The following ENOX1 variants were observed in gnomAD, a reference collection of about 807,000 sequenced individuals.
ENOX1 encodes ecto-NOX disulfide-thiol exchanger 1.
A neutral mutation model predicts 82.5 loss-of-function variants in ENOX1; 42 were observed. That is an observed-to-expected ratio of 0.51 (90% confidence interval 0.40 to 0.66). The LOEUF is 0.66. ENOX1 is among the 30% of genes least tolerant of loss of function. The pLI is 0.00. For missense variants in ENOX1, 608 were observed against 811.6 expected, an observed-to-expected ratio of 0.75 and a Z score of 3.05; for synonymous variants, 271 against 282.2, an observed-to-expected ratio of 0.96 and a Z score of 0.40.
At chr13:43,433,589 TAAGAA>T (rs1455529179) in intron 3 of ENOX1, among the ~76,000 whole-genome samples, 1 of 152,210 alleles carries the variant, frequency 6.6e-6, no homozygotes, top group East Asian at 1.9e-4. Flanking sequence ...TCTTTAAATA[TAAGAA>T]AATAATAAAT....
At chr13:43,448,270 T>A (rs1273403840) in intron 3 of ENOX1, among the ~76,000 whole-genome samples, 2 of 152,178 alleles carry the variant, frequency 1.3e-5, no homozygotes, top group Non-Finnish European at 2.9e-5. Flanking sequence ...AAAGACAGAT[T>A]TAAAATAAAA....
At chr13:43,323,207 G>A (rs2047914562) in intron 10 of ENOX1, among the ~76,000 whole-genome samples, 1 of 152,180 alleles carries the variant, frequency 6.6e-6, no homozygotes, top group South Asian at 2.1e-4. Context: ...TAAGATGTTA[G>A]GGAACAAAAC....
At chr13:43,751,414 T>C (rs1012863012) in intron 1 of ENOX1, among the ~76,000 whole-genome samples, 2 of 152,194 alleles carry the variant, frequency 1.3e-5, no homozygotes, top group African/African-American at 2.4e-5. Flanking sequence ...CACTTTAAAG[T>C]GTACAATTTC....
chr13:43,706,929 A>G (rs1358650538), intron 1 of ENOX1, among the ~76,000 whole-genome samples: 2 of 152,086 alleles, frequency 1.3e-5, no homozygotes, highest in African/African-American at 4.8e-5. Context: ...TGGCATAAAC[A>G]TTAGAACAGA....
intron 15 of ENOX1, among the ~76,000 whole-genome samples, chr13:43,235,123 C>T (rs2042468794): frequency 6.6e-6 from 1 of 151,994 alleles, no homozygotes; most frequent in African/African-American, 2.4e-5. Flanking sequence ...ACATGTTTTC[C>T]AATAGAAGAA....
intron 1 of ENOX1, among the ~76,000 whole-genome samples, chr13:43,718,630 T>A (rs12873932): frequency 7.4e-6 from 1 of 135,310 alleles, no homozygotes; most frequent in Non-Finnish European, 1.5e-5. Context: ...TGAGCCAAGA[T>A]AGTGCCACTG....
chr13:43,335,824 G>A (rs2048675449), intron 9 of ENOX1, among the ~76,000 whole-genome samples: 2 of 150,908 alleles, frequency 1.3e-5, no homozygotes, highest in Non-Finnish European at 2.9e-5. Flanking sequence ...GGCAGGCATA[G>A]TGTCCTCCAC....
intron 2 of ENOX1, among the ~76,000 whole-genome samples, chr13:43,646,485 T>A (rs928253385): frequency 6.6e-6 from 1 of 152,232 alleles, no homozygotes; most frequent in East Asian, 1.9e-4. Flanking sequence ...TTCTTGGGAC[T>A]GCCTGACGAC....
chr13:43,247,540 T>C (rs1172168802), intron 14 of ENOX1, among the ~76,000 whole-genome samples: 3 of 151,884 alleles, frequency 2.0e-5, no homozygotes, highest in African/African-American at 7.3e-5. Context: ...CTTGAGTAGC[T>C]ATAGCAGTGT....
At chr13:43,562,893 G>A (rs185794734) in intron 2 of ENOX1, among the ~76,000 whole-genome samples, 35 of 152,108 alleles carry the variant, frequency 2.3e-4, no homozygotes, top group African/African-American at 8.2e-4. Flanking sequence ...GAAAGCAAAT[G>A]TTACTAGAGC....
At chr13:43,378,906 T>A (rs947237102) in intron 5 of ENOX1, among the ~76,000 whole-genome samples, 3 of 152,176 alleles carry the variant, frequency 2.0e-5, no homozygotes, top group Non-Finnish European at 4.4e-5. Context: ...TATGACAGAT[T>A]ATTCTGGATT....
At chr13:43,338,003 C>A (rs1031699436) in intron 9 of ENOX1, among the ~76,000 whole-genome samples, 4 of 152,184 alleles carry the variant, frequency 2.6e-5, no homozygotes, top group African/African-American at 9.6e-5. Context: ...TTAATCAACC[C>A]TTCTGCACTG....
chr13:43,287,484 G>C (rs752221391), intron 12 of ENOX1, among the ~76,000 whole-genome samples: 1 of 152,214 alleles, frequency 6.6e-6, no homozygotes, highest in Non-Finnish European at 1.5e-5. Flanking sequence ...CTGGTCTCCA[G>C]GAGAAGAACT....
chr13:43,260,533 G>T (rs2043996141), intron 14 of ENOX1, among the ~76,000 whole-genome samples: 1 of 152,110 alleles, frequency 6.6e-6, no homozygotes, highest in Non-Finnish European at 1.5e-5. Context: ...AGCTGTCACT[G>T]CATTTCATTC....
chr13:43,379,233 T>C (rs1373178635), intron 5 of ENOX1, among the ~76,000 whole-genome samples: 5 of 152,094 alleles, frequency 3.3e-5, no homozygotes, highest in African/African-American at 7.2e-5. Flanking sequence ...GCCACTAAGT[T>C]TGTGGCTACC....
At chr13:43,659,402 A>G (rs1050566438) in intron 2 of ENOX1, among the ~76,000 whole-genome samples, 2 of 152,024 alleles carry the variant, frequency 1.3e-5, no homozygotes, top group Non-Finnish European at 2.9e-5. Context: ...AGGTGGGAGA[A>G]TCGCTTGAGC....
intron 9 of ENOX1, among the ~76,000 whole-genome samples, chr13:43,335,988 C>A (rs1055577156): frequency 3.3e-5 from 5 of 152,204 alleles, no homozygotes; most frequent in East Asian, 3.9e-4. Context: ...AATGCATTGG[C>A]AAATACAGCC....
intron 3 of ENOX1, among the ~76,000 whole-genome samples, chr13:43,477,883 T>G (rs2058350825): frequency 6.6e-6 from 1 of 152,146 alleles, no homozygotes; most frequent in South Asian, 2.1e-4. Context: ...TTTAAGCTCC[T>G]CGCAAAGACT....
chr13:43,651,444 C>T (rs1327275693), intron 2 of ENOX1, among the ~76,000 whole-genome samples: 1 of 152,060 alleles, frequency 6.6e-6, no homozygotes, highest in Non-Finnish European at 1.5e-5. Flanking sequence ...GCCTGTAATC[C>T]CAGCACTTTG....
Sources: allele counts gnomAD v4.1 joint callset (sites outside exome capture counted in the v4.1 genomes callset), GRCh38; gene constraint gnomAD v4.1.1; transcripts MANE v1.5; gene names NCBI Gene and HGNC (gene_info 2026-07-23, HGNC 2026-07-21).